Variants in TSPAN31 observed in about 807,000 individuals in gnomAD.
The protein encoded by TSPAN31 is tetraspanin 31.
A neutral mutation model predicts 24.8 loss-of-function variants in TSPAN31; 16 were observed. That is an observed-to-expected ratio of 0.64 (90% CI 0.44 to 0.98). TSPAN31 has a LOEUF of 0.98. Ranked by LOEUF, TSPAN31 falls within the 50% of genes least tolerant of loss-of-function variation. The pLI, the probability that TSPAN31 is intolerant of heterozygous loss-of-function variation, is 0.00. For missense variants in TSPAN31, 209 were observed against 251.6 expected, an observed-to-expected ratio of 0.83 and a Z score of 1.15; for synonymous variants, 87 against 91.4, an observed-to-expected ratio of 0.95 and a Z score of 0.27.
Position 57,747,229 on chromosome 12 carries a change from G to A in TSPAN31, c.572G>A (p.Trp191Ter). The change falls in exon 6 of 6, where the codon TGG (tryptophan) becomes TAG (stop). Residue 191 changes from tryptophan (W) to a stop codon, truncating the protein, a stop_gained. Transcript: ENST00000257910. LOFTEE classifies it high-confidence loss of function. ...TTGTTCCTACAGATCCTTGGTGTTT[G>A]GCTAGCAATGAGATTTCGGAATCAG... is the stretch of plus-strand genomic sequence containing the variant. Reference protein sequence around the residue: ...FFSFTEILGVWLAMRFRNQKD... With the variant: ...FFSFTEILGV 1.2e-6 allele frequency: 2 copies of A among 1,614,134 alleles called. No homozygotes were observed. The highest frequency in any genetic ancestry group is 1.7e-6 in the Non-Finnish European group (2 of 1,180,028).
chr12:57,745,927 A>G lies in TSPAN31; in HGVS notation c.231+15A>G. The G allele has an allele frequency of 6.3e-7, 1 of 1,586,040 alleles. No individual in the cohort carries two copies. On this transcript the variant is annotated intron_variant, in intron 2 of 5. Transcript: ENST00000257910. ...TGCTGTTCTTTGTATCCTGACCTGA[A>G]GTGATGGGGGCAACCGGGGGCTTGG...
At chr12:57,746,491 T>C in intron 3 of TSPAN31, 98 bp from the exon 4 acceptor site, 2 of 1,458,288 alleles carry the variant, frequency 1.4e-6, no homozygotes, top group Non-Finnish European at 1.9e-6. Flanking sequence ...ACCGTTATGC[T>C]TCTGTTTGAC....
At position 57,749,131 on chromosome 12, in the gene TSPAN31, T is replaced by G; in HGVS notation, c.*1841T>G. Reference sequence around the variant, plus strand: ...CCAGGGCCCTGCATACTGCTCTATTTCTTTCCCCAGTCTCTATTTCTTTCC... The same window carrying G: ...CCAGGGCCCTGCATACTGCTCTATTGCTTTCCCCAGTCTCTATTTCTTTCC... On this transcript the variant is annotated 3_prime_UTR_variant, in exon 6 of 6. Transcript: ENST00000257910. 1 of 1,612,668 alleles carries G rather than the reference T, an allele frequency of 6.2e-7. No homozygotes were observed. Among genetic ancestry groups the G allele is most frequent in the Non-Finnish European group, 8.5e-7 (1 of 1,178,696 alleles).
In TSPAN31 at chr12:57,746,219, T is replaced by A; in HGVS notation, c.275T>A (p.Ile92Asn). The change falls in exon 3 of 6, where the codon ATC becomes AAC. Residue 92 changes from isoleucine (I) to asparagine (N), a missense_variant. By Grantham distance (149) the Ile-to-Asn change is moderately radical. Transcript: ENST00000257910. ...LGLVFIFQFV[I>N]SCSCLAINRS... ...TTGGTCTTCATCTTCCAATTTGTAATCTCTTGCTCATGTCTGGCTATTAAC... is the reference window on the plus strand; with the variant it reads ...TTGGTCTTCATCTTCCAATTTGTAAACTCTTGCTCATGTCTGGCTATTAAC... 1 of 1,614,186 alleles carries A rather than the reference T, an allele frequency of 6.2e-7. No individual in the cohort carries two copies. Among genetic ancestry groups the A allele is most frequent in the East Asian group, 2.2e-5 (1 of 44,886 alleles).
rs1955182935 is a variant in TSPAN31, at chr12:57,748,267, A to G, written c.*977A>G. The G allele has an allele frequency of 7.1e-6, 3 of 423,902 alleles. No individual in the cohort carries two copies. Among genetic ancestry groups the G allele is most frequent in the African/African-American group, 5.9e-5 (3 of 50,612 alleles). 26.3% of individuals were successfully genotyped at this position (423,902 alleles called of 1,614,324 possible). On this transcript the variant is annotated 3_prime_UTR_variant, in exon 6 of 6. Transcript: ENST00000257910. ...TATTTCTTTGTTTTGTTTTTCCTGT[A>G]TAAAAAAGGACCCCAAATATAAAGG...
In TSPAN31 at chr12:57,749,635, G is replaced by C; in HGVS notation, c.*2345G>C. The C allele has an allele frequency of 1.2e-6, 1 of 869,314 alleles. No homozygotes were observed. The highest frequency in any genetic ancestry group is 1.9e-6 in the Non-Finnish European group (1 of 524,228). 53.9% of individuals were successfully genotyped at this position (869,314 alleles called of 1,614,324 possible). On this transcript the variant is annotated 3_prime_UTR_variant, in exon 6 of 6. Transcript: ENST00000257910. ...CAATTCCAGCACTTTGGGATGCTGA[G>C]GTGAGAGGACTGCTTGAGCCCAGGA... is the stretch of plus-strand genomic sequence containing the variant.
At chr12:57,746,292 T>C (rs957758735) in intron 3 of TSPAN31, 36 bp downstream of exon 3, 14 of 1,594,848 alleles carry the variant, frequency 8.8e-6, no homozygotes, top group Non-Finnish European at 1.0e-5. Context: ...TACTTGCTTT[T>C]TAAAATTTTC....
At position 57,747,907 on chromosome 12, in the gene TSPAN31, T is replaced by A. The variant is rs1271930470; in HGVS notation, c.*617T>A. 5.4e-6 allele frequency: 1 copy of A among 184,764 alleles called. No homozygotes were observed. Among genetic ancestry groups the A allele is most frequent in the African/African-American group, 2.4e-5 (1 of 42,236 alleles). 11.4% of individuals were successfully genotyped at this position (184,764 alleles called of 1,614,324 possible). A position where few individuals can be genotyped will look rare whatever the true frequency, so the allele number is the denominator to read the frequency against. On this transcript the variant is annotated 3_prime_UTR_variant, in exon 6 of 6. Transcript: ENST00000257910. ...ACAGGTGTGCACCACCACGCCTGAC[T>A]AATTTTGTATTTTTAGTAGAGACAG...
rs1167657652 is a variant in TSPAN31 at position 57,748,973 on chromosome 12, TG to T, written c.*1686del. On this transcript the variant is annotated 3_prime_UTR_variant, in exon 6 of 6. Coordinates refer to ENST00000257910, the MANE Select transcript of TSPAN31 (RefSeq NM_005981.5). ...CGCCCACCTTGGCCTCCCAAAGTGC[TG>T]GGATTACAGGCGTGAGCCACCGTGC... The T allele has an allele frequency of 1.5e-6, 1 of 659,786 alleles. No homozygotes were observed. The highest frequency in any genetic ancestry group is 2.8e-5 in the East Asian group (1 of 35,956). The allele number at this position is 659,786 out of a possible 1,614,324, so 40.9% of individuals were successfully genotyped here.
intron 1 of TSPAN31, 150 bp from the exon 2 acceptor site, chr12:57,745,595 G>A: frequency 1.0e-6 from 1 of 967,320 alleles, no homozygotes; most frequent in South Asian, 1.6e-5. Context: ...GCCTAGGGAT[G>A]CTCCCGGTGC....
chr12:57,746,553 A>C, intron 3 of TSPAN31, 36 bp from the exon 4 acceptor site: 4 of 1,613,520 alleles, frequency 2.5e-6, no homozygotes, highest in Non-Finnish European at 3.4e-6. Context: ...AACAGGATGT[A>C]GGGAGACTTA....
In TSPAN31 at chr12:57,749,058, A is replaced by AT; in HGVS notation, c.*1769dup. On this transcript the variant is annotated 3_prime_UTR_variant, in exon 6 of 6. Transcript: ENST00000257910. The stretch of plus-strand genomic sequence containing the variant: ...CTGTGGGTGGCTATTTGCAGCTGTA[A>AT]TAAAAACTACAGCCCATCTACCAAC... The AT allele has an allele frequency of 7.9e-7, 1 of 1,264,060 alleles. No homozygotes were observed. Among genetic ancestry groups the AT allele is most frequent in the Non-Finnish European group, 1.2e-6 (1 of 863,118 alleles). The allele number at this position is 1,264,060 out of a possible 1,614,324, so 78.3% of individuals were successfully genotyped here. A position where few individuals can be genotyped will look rare whatever the true frequency, so the allele number is the denominator to read the frequency against.
chr12:57,746,422 T>A (rs972023661), intron 3 of TSPAN31, 166 bp downstream of exon 3: 1 of 1,147,798 alleles, frequency 8.7e-7, no homozygotes. Context: ...TAATTTTCCA[T>A]GAGGATGATC....
In TSPAN31 at chr12:57,746,284, C is replaced by T. The variant is rs373942154; in HGVS notation, c.312+28C>T. Reference sequence around the variant, plus strand: ...AAGACAGTACCCTTTCAAGTACTTACTTGCTTTTTAAAATTTTCCTCTTAA... The same window carrying T: ...AAGACAGTACCCTTTCAAGTACTTATTTGCTTTTTAAAATTTTCCTCTTAA... On this transcript the variant is annotated intron_variant, in intron 3 of 5. Coordinates refer to ENST00000257910, the MANE Select transcript of TSPAN31 (RefSeq NM_005981.5). 9.1e-5 allele frequency: 146 copies of T among 1,601,818 alleles called. No homozygotes were observed. In the South Asian group the frequency reaches 1.2e-3, roughly 13 times the overall value.
At position 57,748,294 on chromosome 12, in the gene TSPAN31, A is replaced by G. The variant is rs1304056687; in HGVS notation, c.*1004A>G. On this transcript the variant is annotated 3_prime_UTR_variant, in exon 6 of 6. Transcript: ENST00000257910. ...AAAAAAGGACCCCAAATATAAAGGT[A>G]GGGAAAGGGACAAGAGGGAACATAC... 3.3e-5 allele frequency: 16 copies of G among 483,722 alleles called. No individual in the cohort carries two copies. The highest frequency in any genetic ancestry group is 6.0e-5 in the Non-Finnish European group (16 of 265,144). The allele number at this position is 483,722 out of a possible 1,614,324, so 30.0% of individuals were successfully genotyped here.
intron 2 of TSPAN31, 41 bp downstream of exon 2, chr12:57,745,953 G>T (rs377382007): frequency 5.1e-6 from 8 of 1,560,654 alleles, no homozygotes; most frequent in Non-Finnish European, 6.9e-6. Context: ...GGGGGCTTGG[G>T]AGGGCTGTCA....
rs1490635443 is a variant in TSPAN31 at position 57,746,624 on chromosome 12, C to G, written c.348C>G (p.Ser116Arg). 6.2e-7 allele frequency: 1 copy of G among 1,613,988 alleles called. No individual in the cohort carries two copies. Among genetic ancestry groups the G allele is most frequent in the African/African-American group, 1.3e-5 (1 of 74,876 alleles). ...TCAATGCTTCTTGGTGGGTCATGAG[C>G]AACAAGACTCGGGATGAACTGGAAA... ...DVINASWWVMSNKTRDELERS... is the reference protein window; with the variant it reads ...DVINASWWVMRNKTRDELERS... The change falls in exon 4 of 6, where the codon AGC becomes AGG. Residue 116 changes from serine to arginine, a missense_variant. Transcript: ENST00000257910.
Position 57,745,081 on chromosome 12 carries a change from G to T in TSPAN31, c.-74G>T. 2.2e-6 allele frequency: 3 copies of T among 1,391,116 alleles called. No homozygotes were observed. The highest frequency in any genetic ancestry group is 2.5e-5 in the South Asian group (2 of 81,018). The allele number at this position is 1,391,116 out of a possible 1,614,324, so 86.2% of individuals were successfully genotyped here. A position where few individuals can be genotyped will look rare whatever the true frequency, so the allele number is the denominator to read the frequency against. On this transcript the variant is annotated 5_prime_UTR_variant, in exon 1 of 6. Transcript: ENST00000257910. The stretch of plus-strand genomic sequence containing the variant: ...TCGATTTAAAGAGACAGAAGCTGTC[G>T]GGGTCCTGGAAGACGGTCCCCAATA...
rs1371301661 is a variant in TSPAN31, at chr12:57,748,174, G to T, written c.*884G>T. 15 of 351,070 alleles carry T rather than the reference G, an allele frequency of 4.3e-5. No homozygotes were observed. In the Admixed American group the frequency reaches 6.8e-4, roughly 16 times the overall value. The allele number at this position is 351,070 out of a possible 1,614,324, so 21.7% of individuals were successfully genotyped here. On this transcript the variant is annotated 3_prime_UTR_variant, in exon 6 of 6. Coordinates refer to ENST00000257910, the MANE Select transcript of TSPAN31 (RefSeq NM_005981.5). ...GCAGGAAAGTCCCTTCTTCCAAGTG[G>T]TTTTTCCAAATCGCACAATGGCAAA... is the stretch of plus-strand genomic sequence containing the variant.
Sources: gnomAD v4.1 joint callset for allele counts on GRCh38, gnomAD v4.1.1 for gene constraint, MANE v1.5 for transcripts, NCBI Gene and HGNC (gene_info 2026-07-23, HGNC 2026-07-21) for gene names.